Variants in RYR3 observed in about 807,000 individuals in gnomAD.
RYR3 encodes the protein ryanodine receptor 3.
Under a neutral mutation model 584.3 loss-of-function variants are expected in RYR3, and 207 were observed. The ratio of observed to expected loss-of-function variants is 0.35; its 90% confidence interval spans 0.32 to 0.40. RYR3 has a LOEUF of 0.40. RYR3 is among the 10% of genes least tolerant of loss of function. The pLI is 1.00. For missense variants in RYR3, 5,616 were observed against 6,089.2 expected (o/e 0.92, Z 2.59); for synonymous variants, 2,416 against 2,248.5 (o/e 1.07, Z -2.11).
intron 1 of RYR3, among the ~76,000 whole-genome samples, chr15:33,381,636 AT>A (rs1442564639): frequency 6.6e-6 from 1 of 151,954 alleles, no homozygotes; most frequent in Non-Finnish European, 1.5e-5. Context: ...CCTTGAAATC[AT>A]TTCTGACAGC....
chr15:33,444,546 C>G (rs1219393656), intron 1 of RYR3, among the ~76,000 whole-genome samples: 1 of 152,102 alleles, frequency 6.6e-6, no homozygotes, highest in Non-Finnish European at 1.5e-5. Flanking sequence ...AGTTTACATA[C>G]TAGTAGAGAA....
intron 1 of RYR3, among the ~76,000 whole-genome samples, chr15:33,455,464 G>A (rs1349250135): frequency 1.3e-5 from 2 of 152,150 alleles, no homozygotes; most frequent in Non-Finnish European, 1.5e-5. Context: ...ACAAGAGGCT[G>A]AATGAGAGGA....
intron 1 of RYR3, among the ~76,000 whole-genome samples, chr15:33,405,673 T>G (rs2042972716): frequency 1.3e-5 from 2 of 152,342 alleles, no homozygotes; most frequent in South Asian, 4.1e-4. Flanking sequence ...AACCAAGGCT[T>G]ATTCAGTTGC....
At chr15:33,748,331 G>T in intron 54 of RYR3, 71 bp downstream of exon 54, 1 of 1,577,950 alleles carries the variant, frequency 6.3e-7, no homozygotes, top group African/African-American at 1.3e-5. Context: ...TGTTCTGCCT[G>T]GGGCATCGTA....
At chr15:33,361,811 T>C (rs1347682834) in intron 1 of RYR3, among the ~76,000 whole-genome samples, 2 of 152,218 alleles carry the variant, frequency 1.3e-5, no homozygotes, top group African/African-American at 4.8e-5. Flanking sequence ...CACAACCTAC[T>C]CCCAGTGACT....
At chr15:33,820,939 C>T in intron 78 of RYR3, 127 bp downstream of exon 78, 1 of 533,424 alleles carries the variant, frequency 1.9e-6, no homozygotes, top group Non-Finnish European at 3.3e-6. Flanking sequence ...TCAAGTTGAC[C>T]CCTCAGCAGG....
chr15:33,658,077 T>G (rs1011565333), intron 32 of RYR3, among the ~76,000 whole-genome samples: 4 of 152,236 alleles, frequency 2.6e-5, no homozygotes, highest in Non-Finnish European at 5.9e-5. Flanking sequence ...CGGCTTAAAA[T>G]AGCATATATT....
intron 10 of RYR3, among the ~76,000 whole-genome samples, chr15:33,560,061 A>T (rs2057319413): frequency 6.6e-6 from 1 of 152,200 alleles, no homozygotes; most frequent in Non-Finnish European, 1.5e-5. Context: ...ATTTTTTAGA[A>T]AGTTTCCATT....
chr15:33,703,634 G>A (rs1596243846), intron 42 of RYR3, among the ~76,000 whole-genome samples: 1 of 132,886 alleles, frequency 7.5e-6, no homozygotes, highest in South Asian at 2.2e-4. Context: ...GGGATATTGA[G>A]GGTTAGGGCT....
chr15:33,694,251 T>C (rs547301127), intron 38 of RYR3, among the ~76,000 whole-genome samples: 2 of 145,428 alleles, frequency 1.4e-5, no homozygotes, highest in African/African-American at 5.0e-5. Flanking sequence ...CTAGTTTTTG[T>C]TTTTTTTTTT....
Position 33,838,575 on chromosome 15 carries a change from C to T in RYR3, c.12595C>T (p.Leu4199Phe). The change falls in exon 89 of 104, where the codon CTC becomes TTC. Residue 4199 changes from leucine (L) to phenylalanine (F), a missense_variant. By Grantham distance (22) the Leu-to-Phe change is conservative. Around this residue, in one of 9 missense-constraint regions of RYR3, gnomAD observed 918 missense variants for 887.4 expected, o/e 1.03. Coordinates refer to ENST00000634891, the MANE Select transcript of RYR3 (RefSeq NM_001036.6). ...GCTGTTCGTGGGGCTATTCCAGTTG[C>T]TCTTCACCATCCTGGGAGGAATCTT... The part of the protein sequence containing the change: ...WMLFVGLFQL[L>F]FTILGGIFQI... 2 of 1,613,802 alleles carry T rather than the reference C, an allele frequency of 1.2e-6. No individual in the cohort carries two copies. Among genetic ancestry groups the T allele is most frequent in the Non-Finnish European group, 1.7e-6 (2 of 1,179,786 alleles).
At chr15:33,523,832 GC>G (rs1355787020) in intron 3 of RYR3, among the ~76,000 whole-genome samples, 1 of 152,144 alleles carries the variant, frequency 6.6e-6, no homozygotes. Context: ...CTGGAGCTGA[GC>G]CTGAGGGAGC....
chr15:33,571,835 A>C (rs1366379890), intron 12 of RYR3, among the ~76,000 whole-genome samples: 1 of 152,014 alleles, frequency 6.6e-6, no homozygotes, highest in Non-Finnish European at 1.5e-5. Flanking sequence ...CCACTTTGCT[A>C]TTTATTTCTT....
chr15:33,477,731 C>T (rs1015822214), intron 2 of RYR3, among the ~76,000 whole-genome samples: 6 of 149,188 alleles, frequency 4.0e-5, no homozygotes, highest in African/African-American at 7.7e-5. Flanking sequence ...AAAAATTAGC[C>T]GGACGTGGTG....
rs1020469731 is a variant in RYR3 at position 33,635,552 on chromosome 15, T to G, written c.3176-62T>G. On this transcript the variant is annotated intron_variant, in intron 25 of 103. Transcript: ENST00000634891. ...TCTTTTGAGTAGTGCTACCTAATTA[T>G]TGAAGGTCTACGTTCTCTCTTTCCC... is the stretch of plus-strand genomic sequence containing the variant. 5 of 1,283,640 alleles carry G rather than the reference T, an allele frequency of 3.9e-6. No homozygotes were observed. In the African/African-American group the frequency reaches 7.3e-5, roughly 19 times the overall value. 79.5% of individuals were successfully genotyped at this position (1,283,640 alleles called of 1,614,324 possible).
chr15:33,826,170 A>G, intron 82 of RYR3, 82 bp from the exon 83 acceptor site: 1 of 1,354,038 alleles, frequency 7.4e-7, no homozygotes. Context: ...GTGTTCACAT[A>G]GCCAGTTTTA....
chr15:33,682,363 T>C (rs563980074), intron 38 of RYR3, among the ~76,000 whole-genome samples: 1 of 152,264 alleles, frequency 6.6e-6, no homozygotes, highest in South Asian at 2.1e-4. Context: ...AGGTTTTTTT[T>C]TTTCCTTTTT....
intron 69 of RYR3, among the ~76,000 whole-genome samples, chr15:33,804,571 C>G (rs1341586379): frequency 1.5e-4 from 23 of 152,170 alleles, no homozygotes; most frequent in Non-Finnish European, 1.5e-5. Context: ...AACAGTATCT[C>G]TAGGATAGAG....
At chr15:33,586,755 A>G (rs749551824) in intron 16 of RYR3, among the ~76,000 whole-genome samples, 4 of 152,164 alleles carry the variant, frequency 2.6e-5, no homozygotes, top group South Asian at 4.1e-4. Flanking sequence ...TAGTTCTAAC[A>G]TCTCTATTTT....
Sources: allele counts gnomAD v4.1 joint callset (sites outside exome capture counted in the v4.1 genomes callset), GRCh38; gene constraint gnomAD v4.1.1; regional missense constraint gnomAD v4.1.1; transcripts MANE v1.5; gene names NCBI Gene and HGNC (gene_info 2026-07-23, HGNC 2026-07-21).